The following SERPINB12 variants were observed in gnomAD, a reference collection of about 807,000 sequenced individuals.
The protein encoded by SERPINB12 is serpin family B member 12.
A neutral mutation model predicts 41.1 loss-of-function variants in SERPINB12; 57 were observed. The ratio of observed to expected loss-of-function variants is 1.39; its 90% CI spans 1.12 to 1.73. The LOEUF is 1.73. Ranked by LOEUF, SERPINB12 falls within the 40% of genes most tolerant of loss-of-function variation. The pLI, the probability that SERPINB12 is intolerant of heterozygous loss-of-function variation, is 0.00. For synonymous variants in SERPINB12, 180 were observed against 181.3 expected, an observed-to-expected ratio of 0.99 and a Z score of 0.06; for missense variants, 536 against 501.9, an observed-to-expected ratio of 1.07 and a Z score of -0.65.
chr18:63,532,361 T>C, the SERPINB12 span, among the ~76,000 whole-genome samples: 11 of 152,190 alleles, frequency 7.2e-5, no homozygotes, highest in African/African-American at 2.7e-4. Context: ...ACGTAGGTTA[T>C]AGTAAGTTTT....
the SERPINB12 span, among the ~76,000 whole-genome samples, chr18:63,519,670 A>G: frequency 1.3e-5 from 2 of 152,108 alleles, no homozygotes; most frequent in Non-Finnish European, 2.9e-5. Context: ...TTCTGGGTGG[A>G]ATCCAGCCCT....
chr18:63,559,899 AG>A (rs1910845829), intron 4 of SERPINB12, among the ~76,000 whole-genome samples, 181 bp downstream of exon 4: 1 of 152,080 alleles, frequency 6.6e-6, no homozygotes, highest in South Asian at 2.1e-4. Context: ...TTCTCTTCCC[AG>A]TGTTCAATGT....
chr18:63,546,216 A>T (rs1910384320), intron 1 of SERPINB12, among the ~76,000 whole-genome samples: 1 of 152,158 alleles, frequency 6.6e-6, no homozygotes, highest in South Asian at 2.1e-4. Flanking sequence ...CAGGTCAGAG[A>T]GGGGTCCTCG....
chr18:63,538,012 G>A (rs1023676374), upstream of SERPINB12, among the ~76,000 whole-genome samples: 4 of 152,056 alleles, frequency 2.6e-5, no homozygotes, highest in South Asian at 4.1e-4. Context: ...ACTTCTAGAT[G>A]CATCTACCAT....
the SERPINB12 span, among the ~76,000 whole-genome samples, chr18:63,535,119 C>G: frequency 6.6e-6 from 1 of 152,088 alleles, no homozygotes; most frequent in South Asian, 2.1e-4. Flanking sequence ...AGAGAGAATA[C>G]TGGTTAGAAA....
chr18:63,559,736 G>T lies in SERPINB12; in HGVS notation c.444+18G>T. 1 of 1,613,372 alleles carries T rather than the reference G, an allele frequency of 6.2e-7. No individual in the cohort carries two copies. The highest frequency in any genetic ancestry group is 1.1e-5 in the South Asian group (1 of 90,988). On this transcript the variant is annotated intron_variant, in intron 4 of 7. Transcript: ENST00000382768. ...TCTGTCAGGTGAGTTGCACACGAATGGTGACTAAAGCTACCATGTAGCATA... is the reference window on the plus strand; with the variant it reads ...TCTGTCAGGTGAGTTGCACACGAATTGTGACTAAAGCTACCATGTAGCATA...
At chr18:63,543,761 C>T (rs906861258) in intron 1 of SERPINB12, among the ~76,000 whole-genome samples, 1 of 151,750 alleles carries the variant, frequency 6.6e-6, no homozygotes, top group Non-Finnish European at 1.5e-5. Context: ...GGCTTACAGG[C>T]GTGCGCCACG....
At chr18:63,519,980 C>T in the SERPINB12 span, among the ~76,000 whole-genome samples, 1 of 152,106 alleles carries the variant, frequency 6.6e-6, no homozygotes, top group Non-Finnish European at 1.5e-5. Context: ...TTGGTGCCTG[C>T]TTCTTAGCTC....
chr18:63,521,465 A>G, the SERPINB12 span, among the ~76,000 whole-genome samples: 2 of 152,152 alleles, frequency 1.3e-5, no homozygotes, highest in Admixed American at 1.3e-4. Context: ...TTGAGCAACA[A>G]GGGAGGTTTG....
chr18:63,556,055 G>A (rs1910661447), intron 1 of SERPINB12, 87 bp from the exon 2 acceptor site: 2 of 932,354 alleles, frequency 2.1e-6, no homozygotes, highest in Non-Finnish European at 3.4e-6. Context: ...GTGCATGATT[G>A]TATTTCAGGT....
At chr18:63,524,561 G>A in the SERPINB12 span, among the ~76,000 whole-genome samples, 1 of 151,894 alleles carries the variant, frequency 6.6e-6, no homozygotes, top group African/African-American at 2.4e-5. Flanking sequence ...AAATTGCTGG[G>A]ATTACTGGCG....
chr18:63,530,454 C>T, the SERPINB12 span, among the ~76,000 whole-genome samples: 1 of 152,150 alleles, frequency 6.6e-6, no homozygotes, highest in Non-Finnish European at 1.5e-5. Flanking sequence ...CATATCTCAG[C>T]TTTTGAAGCA....
intron 6 of SERPINB12, among the ~76,000 whole-genome samples, chr18:63,565,241 A>C (rs1911054481): frequency 6.6e-6 from 1 of 152,170 alleles, no homozygotes; most frequent in African/African-American, 2.4e-5. Context: ...CAACAAAAAA[A>C]GACACGGAAA....
chr18:63,559,003 C>CTTTCTTT (rs1491386715), intron 3 of SERPINB12, among the ~76,000 whole-genome samples: 1 of 78,536 alleles, frequency 1.3e-5, no homozygotes, highest in Non-Finnish European at 2.5e-5. Flanking sequence ...TCTTTCCTTC[C>CTTTCTTT]TTCTTTCTTT....
intron 2 of SERPINB12, among the ~76,000 whole-genome samples, chr18:63,556,651 G>C (rs1910690192): frequency 6.6e-6 from 1 of 152,010 alleles, no homozygotes; most frequent in South Asian, 2.1e-4. Flanking sequence ...TACCAATATT[G>C]CTAGCGATTT....
At chr18:63,536,647 A>G in the SERPINB12 span, among the ~76,000 whole-genome samples, 2 of 152,148 alleles carry the variant, frequency 1.3e-5, no homozygotes, top group Admixed American at 6.6e-5. Context: ...ATTTCACCCA[A>G]TGAGGATTGG....
At chr18:63,553,053 A>G (rs965261549) in intron 1 of SERPINB12, among the ~76,000 whole-genome samples, 3 of 152,190 alleles carry the variant, frequency 2.0e-5, no homozygotes, top group African/African-American at 7.2e-5. Context: ...AAAGCTGCAC[A>G]CAACTGTAAT....
chr18:63,521,709 A>G, the SERPINB12 span, among the ~76,000 whole-genome samples: 1 of 152,196 alleles, frequency 6.6e-6, no homozygotes, highest in Non-Finnish European at 1.5e-5. Flanking sequence ...AAAGCCATCC[A>G]CAACAGTCAA....
chr18:63,534,708 C>A, the SERPINB12 span, among the ~76,000 whole-genome samples: 1 of 152,082 alleles, frequency 6.6e-6, no homozygotes, highest in Non-Finnish European at 1.5e-5. Flanking sequence ...AATATAGTTT[C>A]TCTGTAGCCG....
Sources: gnomAD v4.1 joint callset for allele counts (sites outside exome capture counted in the v4.1 genomes callset) on GRCh38, gnomAD v4.1.1 for gene constraint, MANE v1.5 for transcripts, NCBI Gene and HGNC (gene_info 2026-07-23, HGNC 2026-07-21) for gene names.